The following STPG2 variants were observed in gnomAD, a reference collection of about 807,000 sequenced individuals.
STPG2 encodes the protein sperm tail PG-rich repeat containing 2.
A neutral mutation model predicts 54.2 loss-of-function variants in STPG2; 56 were observed. That is an observed-to-expected ratio of 1.03 (90% confidence interval 0.83 to 1.29). The LOEUF (loss-of-function observed/expected upper bound fraction) is 1.29, where lower values mean the gene tolerates loss of function less well. Among genes scored for constraint, STPG2 ranks in the 50% most tolerant of loss-of-function variants. STPG2 has a pLI of 0.00. For missense variants in STPG2, 596 were observed against 544.9 expected, an observed-to-expected ratio of 1.09 and a Z score of -0.93; for synonymous variants, 200 against 181.8, an observed-to-expected ratio of 1.10 and a Z score of -0.81.
intron 6 of STPG2, among the ~76,000 whole-genome samples, chr4:97,974,684 C>T (rs1385103097): frequency 6.6e-6 from 1 of 151,908 alleles, no homozygotes; most frequent in Admixed American, 6.5e-5. Context: ...GCTCCCTCCT[C>T]TTGTCTGCTG....
intron 7 of STPG2, among the ~76,000 whole-genome samples, chr4:97,967,000 C>T (rs1734125763): frequency 6.6e-6 from 1 of 152,164 alleles, no homozygotes; most frequent in Admixed American, 6.5e-5. Flanking sequence ...ATCAAATTCA[C>T]ACATAACCAT....
intron 9 of STPG2, among the ~76,000 whole-genome samples, chr4:97,755,132 G>C (rs888451429): frequency 6.6e-5 from 10 of 152,088 alleles, no homozygotes; most frequent in African/African-American, 1.9e-4. Context: ...ATACTTTCTC[G>C]CATTTATCGG....
At position 97,596,074 on chromosome 4, in the gene STPG2, A is replaced by G. The variant is rs570210592; in HGVS notation, c.1321-36957T>C. Among the ~76,000 whole-genome samples the G allele has an allele frequency of 3.3e-5, 5 of 152,300 alleles. No individual in the cohort carries two copies. In the East Asian group the frequency reaches 9.7e-4, roughly 29 times the overall value. ...GCTCAAAGTAAATATATGAAGAAAA[A>G]TCTACCAAGCAAACAGAAAACAGAA... On this transcript the variant is annotated intron_variant, in intron 10 of 10. Transcript: ENST00000295268.
intron 8 of STPG2, among the ~76,000 whole-genome samples, chr4:97,923,979 C>T (rs567424014): frequency 4.6e-5 from 7 of 152,300 alleles, no homozygotes; most frequent in African/African-American, 1.7e-4. Context: ...CTGCCTGAGC[C>T]AGCAGTGGCA....
chr4:97,442,303 T>C lies in STPG2; in HGVS notation c.463-254470A>G, dbSNP rs140968411. On this transcript the variant is annotated intron_variant, in intron 4 of 4. Coordinates refer to the STPG2 transcript ENST00000522676. Reference sequence around the variant, plus strand: ...ACTCTTCTATTATCTAGCTTGTTCTTTCTTCATGCAAACATAATTAGAGCT... The same window carrying C: ...ACTCTTCTATTATCTAGCTTGTTCTCTCTTCATGCAAACATAATTAGAGCT... Among the ~76,000 whole-genome samples, 1,167 of 152,196 alleles carry C rather than the reference T, an allele frequency of 7.7e-3. 10 individuals are homozygous for C. Among genetic ancestry groups the C allele is most frequent in the Non-Finnish European group, 0.013 (897 of 67,950 alleles).
intron 8 of STPG2, among the ~76,000 whole-genome samples, chr4:97,881,814 T>A (rs557620111): frequency 6.6e-6 from 1 of 152,136 alleles, no homozygotes; most frequent in Non-Finnish European, 1.5e-5. Flanking sequence ...TAGTACTCCA[T>A]CACAATCTCC....
At chr4:97,969,928 A>C (rs529178927) in intron 7 of STPG2, among the ~76,000 whole-genome samples, 1 of 152,328 alleles carries the variant, frequency 6.6e-6, no homozygotes, top group African/African-American at 2.4e-5. Context: ...GTCTCAGCCC[A>C]AAATCTTAAG....
intron 5 of STPG2, among the ~76,000 whole-genome samples, chr4:98,073,259 A>G (rs1738062017): frequency 6.6e-6 from 1 of 152,184 alleles, no homozygotes; most frequent in Non-Finnish European, 1.5e-5. Context: ...ATCCAGTCAT[A>G]GAGTCTAATA....
At chr4:97,697,817 C>T (rs1300038562) in intron 10 of STPG2, among the ~76,000 whole-genome samples, 1 of 152,200 alleles carries the variant, frequency 6.6e-6, no homozygotes, top group Non-Finnish European at 1.5e-5. Flanking sequence ...CAAGCAATTG[C>T]ATGAGTTATC....
At position 97,798,288 on chromosome 4, in the gene STPG2, T is replaced by C. The variant is rs1029162099; in HGVS notation, c.1204+42485A>G. On this transcript the variant is annotated intron_variant, in intron 9 of 10. Transcript: ENST00000295268. ...AATTGTGATGTTAGGGTGTCAATTT[T>C]AGATCTTTCCTACTTTCTCATGTGG... Among the ~76,000 whole-genome samples the C allele has an allele frequency of 7.2e-5, 11 of 152,220 alleles. No individual in the cohort carries two copies. In the East Asian group the frequency reaches 1.3e-3, roughly 19 times the overall value.
intron 9 of STPG2, among the ~76,000 whole-genome samples, chr4:97,819,751 ATTAT>A (rs1728024780): frequency 6.6e-6 from 1 of 152,086 alleles, no homozygotes; most frequent in Non-Finnish European, 1.5e-5. Context: ...TTTAAATTAA[ATTAT>A]TTAATTTTAT....
At chr4:97,575,811 GA>G (rs1732708326) in intron 10 of STPG2, among the ~76,000 whole-genome samples, 1 of 152,114 alleles carries the variant, frequency 6.6e-6, no homozygotes, top group South Asian at 2.1e-4. Flanking sequence ...AACAGGAAAA[GA>G]AGATGTCAAA....
chr4:97,785,986 G>A (rs1265489720), intron 9 of STPG2, among the ~76,000 whole-genome samples: 2 of 151,980 alleles, frequency 1.3e-5, no homozygotes, highest in South Asian at 2.1e-4. Context: ...ATCAAATAAC[G>A]TTTAAGAACA....
intron 7 of STPG2, among the ~76,000 whole-genome samples, chr4:97,946,197 T>G (rs964382931): frequency 6.6e-6 from 1 of 152,246 alleles, no homozygotes; most frequent in African/African-American, 2.4e-5. Context: ...TATATCTTCT[T>G]TTAATAAATA....
chr4:97,458,440 A>T (rs1729580994), intron 4 of STPG2, among the ~76,000 whole-genome samples: 1 of 152,182 alleles, frequency 6.6e-6, no homozygotes, highest in South Asian at 2.1e-4. Flanking sequence ...ACTCATAATG[A>T]AATGAAAGGC....
intron 10 of STPG2, among the ~76,000 whole-genome samples, chr4:97,625,424 C>T (rs897005499): frequency 7.9e-5 from 12 of 152,186 alleles, no homozygotes; most frequent in Non-Finnish European, 1.6e-4. Context: ...ATTCTTCTGC[C>T]TCAGCCTCCC....
At chr4:98,123,192 T>C (rs1030704058) in intron 3 of STPG2, among the ~76,000 whole-genome samples, 1 of 152,174 alleles carries the variant, frequency 6.6e-6, no homozygotes, top group African/African-American at 2.4e-5. Flanking sequence ...CTCTATCTCC[T>C]TCAGTACCAT....
chr4:98,115,693 A>G (rs2110150555), intron 3 of STPG2, among the ~76,000 whole-genome samples: 1 of 152,134 alleles, frequency 6.6e-6, no homozygotes, highest in South Asian at 2.1e-4. Context: ...TCAAAAAGCA[A>G]GCAAAGAGTT....
At chr4:97,742,250 A>T (rs896588323) in intron 9 of STPG2, among the ~76,000 whole-genome samples, 6 of 151,902 alleles carry the variant, frequency 3.9e-5, no homozygotes, top group Non-Finnish European at 8.8e-5. Context: ...GCATTAGGAG[A>T]TATACCTAAT....
Sources: gnomAD v4.1 joint callset for allele counts (sites outside exome capture counted in the v4.1 genomes callset) on GRCh38, gnomAD v4.1.1 for gene constraint, MANE v1.5 for transcripts, NCBI Gene and HGNC (gene_info 2026-07-23, HGNC 2026-07-21) for gene names.